MAN1A2: variants seen among roughly 807,000 people sequenced by gnomAD.
MAN1A2 encodes the protein mannosidase alpha class 1A member 2, also known as mannosyl-oligosaccharide 1,2-alpha-mannosidase IB.
Under a neutral mutation model 75.7 loss-of-function variants are expected in MAN1A2, and 26 were observed. The observed-to-expected ratio is 0.34, with a 90% CI of 0.25 to 0.48. MAN1A2 has a LOEUF of 0.48. Ranked by LOEUF, MAN1A2 falls within the 20% of genes least tolerant of loss-of-function variation. MAN1A2 has a pLI of 0.99. For missense variants in MAN1A2, 562 were observed against 775.5 expected, an observed-to-expected ratio of 0.72 and a Z score of 3.27; for synonymous variants, 247 against 264.6, an observed-to-expected ratio of 0.93 and a Z score of 0.65.
chr1:117,387,375 ATTCTAATAAAAGTAGCAGTTGGT>A (rs1404009722), intron 1 of MAN1A2, among the ~76,000 whole-genome samples: 3 of 152,154 alleles, frequency 2.0e-5, no homozygotes, highest in Non-Finnish European at 2.9e-5. Context: ...AGTAGTTGTG[ATTCTAATAAAAGTAGCAGTTGGT>A]TTGGGACTGA....
At chr1:117,368,679 T>C (rs748284449) in intron 1 of MAN1A2, among the ~76,000 whole-genome samples, 194 bp downstream of exon 1, 1 of 152,086 alleles carries the variant, frequency 6.6e-6, no homozygotes, top group Admixed American at 6.5e-5. Flanking sequence ...GTAGAGTCCA[T>C]AGACTGGTAG....
At chr1:117,463,303 C>CCTTT (rs1325467119) in intron 7 of MAN1A2, among the ~76,000 whole-genome samples, 1 of 152,028 alleles carries the variant, frequency 6.6e-6, no homozygotes, top group Non-Finnish European at 1.5e-5. Flanking sequence ...TATCCTGAAA[C>CCTTT]CTTTCTGGGA....
Position 117,402,544 on chromosome 1 carries a change from G to A in MAN1A2, c.558+103G>A, listed in dbSNP as rs955428669. On this transcript the variant is annotated intron_variant, in intron 2 of 12. Coordinates refer to ENST00000356554, the MANE Select transcript of MAN1A2 (RefSeq NM_006699.5). ...ATCCTGTTTTGATCTGTTTATTCTT[G>A]GGTCATAGTTGTAGTATAGTTTCCA... is the stretch of plus-strand genomic sequence containing the variant. 7.1e-6 allele frequency: 8 copies of A among 1,130,646 alleles called. No individual in the cohort carries two copies. In the African/African-American group the frequency reaches 9.7e-5, roughly 14 times the overall value. 70.0% of individuals were successfully genotyped at this position (1,130,646 alleles called of 1,614,324 possible).
chr1:117,382,214 T>G (rs922700226), intron 1 of MAN1A2, among the ~76,000 whole-genome samples: 1 of 152,226 alleles, frequency 6.6e-6, no homozygotes, highest in African/African-American at 2.4e-5. Flanking sequence ...ATTTTGGCTT[T>G]TGTTGCCATT....
At chr1:117,415,578 A>G (rs1647965030) in intron 4 of MAN1A2, among the ~76,000 whole-genome samples, 1 of 152,156 alleles carries the variant, frequency 6.6e-6, no homozygotes, top group Non-Finnish European at 1.5e-5. Context: ...TCTCAAAGAG[A>G]ACAATTTTTA....
intron 1 of MAN1A2, among the ~76,000 whole-genome samples, chr1:117,381,873 C>G (rs1339841981): frequency 6.6e-6 from 1 of 151,814 alleles, no homozygotes; most frequent in African/African-American, 2.4e-5. Flanking sequence ...TTAATGATTG[C>G]CATTCTAACT....
chr1:117,444,285 A>G (rs1314636185), intron 6 of MAN1A2, among the ~76,000 whole-genome samples: 1 of 149,016 alleles, frequency 6.7e-6, no homozygotes, highest in South Asian at 2.1e-4. Flanking sequence ...TTTTCCTACC[A>G]CAAACATTGC....
At chr1:117,519,966 A>G (rs1651822812) in intron 12 of MAN1A2, among the ~76,000 whole-genome samples, 1 of 152,136 alleles carries the variant, frequency 6.6e-6, no homozygotes, top group Admixed American at 6.6e-5. Flanking sequence ...AACATATCAA[A>G]AAGATAATCC....
intron 6 of MAN1A2, among the ~76,000 whole-genome samples, chr1:117,446,767 A>G (rs1282853405): frequency 1.3e-5 from 2 of 151,944 alleles, no homozygotes; most frequent in Non-Finnish European, 2.9e-5. Context: ...AACATTCTGT[A>G]TATATCAGTT....
At chr1:117,418,331 A>G (rs943709381) in intron 4 of MAN1A2, among the ~76,000 whole-genome samples, 3 of 152,098 alleles carry the variant, frequency 2.0e-5, no homozygotes, top group African/African-American at 7.2e-5. Flanking sequence ...GATAAGTGCT[A>G]TGGAGAGTAA....
At chr1:117,378,644 A>AT (rs5777310) in intron 1 of MAN1A2, among the ~76,000 whole-genome samples, 118,473 of 151,926 alleles carry the variant, frequency 0.78, 46,580 homozygotes, top group African/African-American at 0.87. Context: ...TTGACTCTAA[A>AT]TTTTTTTGTT....
Position 117,496,787 on chromosome 1 carries a change from A to T in MAN1A2, c.1309A>T (p.Lys437Ter). 6.2e-7 allele frequency: 1 copy of T among 1,611,590 alleles called. No individual in the cohort carries two copies. Among genetic ancestry groups the T allele is most frequent in the Non-Finnish European group, 8.5e-7 (1 of 1,178,630 alleles). Residue 437 changes from lysine (K) to a stop codon, truncating the protein, a stop_gained, in exon 10 of 13, where the codon AAG (lysine) becomes TAG (stop). Coordinates refer to ENST00000356554, the MANE Select transcript of MAN1A2 (RefSeq NM_006699.5). LOFTEE classifies it high-confidence loss of function. ...IEAIEKHLIK[K>*]SRGGLTFIGE... ...GGCTATAGAAAAACATCTTATTAAGAAGTCTCGTGGAGGTCTTACCTTTAT... is the reference window on the plus strand; with the variant it reads ...GGCTATAGAAAAACATCTTATTAAGTAGTCTCGTGGAGGTCTTACCTTTAT...
In MAN1A2 at chr1:117,431,060, G is replaced by A. The variant is rs1453787380; in HGVS notation, c.855+10411G>A. On this transcript the variant is annotated intron_variant, in intron 5 of 12. Coordinates refer to ENST00000356554, the MANE Select transcript of MAN1A2 (RefSeq NM_006699.5). ...CCGTCTCCACCAAAACCAGTCAGGC[G>A]TGGCAGCGCGTGCCTGCAATCGCAG... Among the ~76,000 whole-genome samples the A allele has an allele frequency of 5.6e-4, 78 of 139,424 alleles. 1 individual carries two copies. In the South Asian group the frequency reaches 0.014, roughly 26 times the overall value. The allele number at this position is 139,424 out of a possible 152,430, so 91.5% of individuals were successfully genotyped here.
At chr1:117,416,880 T>C (rs1393525022) in intron 4 of MAN1A2, among the ~76,000 whole-genome samples, 1 of 152,136 alleles carries the variant, frequency 6.6e-6, no homozygotes, top group African/African-American at 2.4e-5. Context: ...GTGCTTGATA[T>C]CTGTAAAGGA....
At chr1:117,396,233 A>G (rs1237933478) in intron 1 of MAN1A2, among the ~76,000 whole-genome samples, 4 of 152,178 alleles carry the variant, frequency 2.6e-5, no homozygotes, top group Non-Finnish European at 4.4e-5. Flanking sequence ...TAAAACTATT[A>G]GTTGTGGCCA....
At chr1:117,424,556 TTGGGAAGGAGTGCTTTTGC>T (rs1383581757) in intron 5 of MAN1A2, among the ~76,000 whole-genome samples, 1 of 152,142 alleles carries the variant, frequency 6.6e-6, no homozygotes, top group Non-Finnish European at 1.5e-5. Flanking sequence ...TGCTCATGAC[TTGGGAAGGAGTGCTTTTGC>T]TCATGACTTG....
chr1:117,466,208 A>AAC (rs1431267335), intron 7 of MAN1A2, 126 bp from the exon 8 acceptor site: 2 of 587,752 alleles, frequency 3.4e-6, no homozygotes, highest in South Asian at 2.6e-5. Flanking sequence ...CTGCCCCTCC[A>AAC]ACACACACAC....
At chr1:117,386,497 A>C (rs539128155) in intron 1 of MAN1A2, among the ~76,000 whole-genome samples, 5 of 152,128 alleles carry the variant, frequency 3.3e-5, no homozygotes, top group Non-Finnish European at 7.4e-5. Flanking sequence ...TATCCTCCTC[A>C]TAATGCCAGT....
At chr1:117,433,370 G>A (rs971689073) in intron 5 of MAN1A2, among the ~76,000 whole-genome samples, 1 of 152,078 alleles carries the variant, frequency 6.6e-6, no homozygotes, top group African/African-American at 2.4e-5. Flanking sequence ...TACTCAACCT[G>A]TACTAAAAGG....
Sources: gnomAD v4.1 joint callset for allele counts (sites outside exome capture counted in the v4.1 genomes callset) on GRCh38, gnomAD v4.1.1 for gene constraint, MANE v1.5 for transcripts, NCBI Gene and HGNC (gene_info 2026-07-23, HGNC 2026-07-21) for gene names.